GK5: variants seen among roughly 807,000 people sequenced by gnomAD.
GK5 encodes the protein ATP:glycerol 3-phosphotransferase 5.
Under a neutral mutation model 77.3 loss-of-function variants are expected in GK5, and 39 were observed. The ratio of observed to expected loss-of-function variants is 0.50; its 90% confidence interval spans 0.39 to 0.66. GK5 has a LOEUF of 0.66. GK5 is among the 30% of genes least tolerant of loss of function. GK5 has a pLI of 0.00. For synonymous variants in GK5, 211 were observed against 208.0 expected (o/e 1.01, Z -0.13); for missense variants, 487 against 633.8 (o/e 0.77, Z 2.49).
chr3:142,184,276 A>AG (rs2063737342), intron 9 of GK5, among the ~76,000 whole-genome samples: 1 of 149,102 alleles, frequency 6.7e-6, no homozygotes, highest in East Asian at 1.9e-4. Flanking sequence ...AAAAAAAAAA[A>AG]AAAAAAAAAA....
intron 11 of GK5, among the ~76,000 whole-genome samples, chr3:142,181,109 C>T (rs189551684): frequency 2.6e-4 from 40 of 152,254 alleles, no homozygotes; most frequent in Non-Finnish European, 5.7e-4. Flanking sequence ...TCGTAAAATA[C>T]CTGTACTTCG....
chr3:142,204,406 A>G, intron 4 of GK5: 1 of 404,398 alleles, frequency 2.5e-6, no homozygotes. Context: ...TGGGCATTTC[A>G]TTCATCTAGT....
chr3:142,223,981 GGAA>G (rs373443906), intron 1 of GK5, among the ~76,000 whole-genome samples: 231 of 152,346 alleles, frequency 1.5e-3, no homozygotes, highest in African/African-American at 5.5e-3. Flanking sequence ...TAAGGTGGTG[GGAA>G]GAAGAACGGG....
chr3:142,212,922 C>T (rs1337395478), intron 3 of GK5, among the ~76,000 whole-genome samples: 2 of 148,334 alleles, frequency 1.3e-5, no homozygotes, highest in Admixed American at 1.4e-4. Context: ...CAGGCTCCGC[C>T]CCCTGGGGTT....
At chr3:142,186,374 AAACT>A in intron 7 of GK5, 74 bp downstream of exon 7, 1 of 1,035,936 alleles carries the variant, frequency 9.7e-7, no homozygotes, top group South Asian at 1.6e-5. Flanking sequence ...AATTAAAAAT[AAACT>A]AATTTTAAAA....
chr3:142,160,360 A>G lies in GK5; in HGVS notation c.*5262T>C, dbSNP rs1220895592. 6.6e-6 allele frequency: 1 copy of G among 152,206 alleles called. No individual in the cohort carries two copies. The highest frequency in any genetic ancestry group is 1.5e-5 in the Non-Finnish European group (1 of 68,040). 9.4% of individuals were successfully genotyped at this position (152,206 alleles called of 1,614,324 possible). The stretch of plus-strand genomic sequence containing the variant: ...AGGGATTCAGAATCCTTTGGGGTAC[A>G]TTCAAGTCTTCTAGGCCATCTCTGG... On this transcript the variant is annotated 3_prime_UTR_variant, in exon 16 of 16. Transcript: ENST00000392993.
Position 142,197,818 on chromosome 3 carries a change from T to C in GK5, c.543+984A>G, listed in dbSNP as rs146766881. 6.4e-3 allele frequency among the ~76,000 whole-genome samples: 969 copies of C among 150,882 alleles called. 8 individuals carry two copies. The highest frequency in any genetic ancestry group is 0.022 in the African/African-American group (899 of 41,060). Reference sequence around the variant, plus strand: ...GGCAGGCAGATCACGAGGTCAGGAGTTCAAGACCAGCCTGGACAACATGGT... The same window carrying C: ...GGCAGGCAGATCACGAGGTCAGGAGCTCAAGACCAGCCTGGACAACATGGT... On this transcript the variant is annotated intron_variant, in intron 5 of 15. Coordinates refer to ENST00000392993, the MANE Select transcript of GK5 (RefSeq NM_001039547.3).
At chr3:142,207,679 G>T (rs557561388) in intron 3 of GK5, among the ~76,000 whole-genome samples, 1 of 152,178 alleles carries the variant, frequency 6.6e-6, no homozygotes, top group African/African-American at 2.4e-5. Context: ...ATAAATGCTG[G>T]TATATCCAGT....
intron 9 of GK5, among the ~76,000 whole-genome samples, chr3:142,184,217 C>T (rs2063735186): frequency 7.8e-6 from 1 of 127,520 alleles, no homozygotes; most frequent in African/African-American, 3.1e-5. Flanking sequence ...GCCGAGATCG[C>T]ACCACTGCAC....
intron 4 of GK5, among the ~76,000 whole-genome samples, chr3:142,201,027 T>C (rs181033907): frequency 4.5e-4 from 68 of 152,348 alleles, no homozygotes; most frequent in South Asian, 4.1e-4. Flanking sequence ...ATATAACTTA[T>C]ACATTGCTGA....
At chr3:142,188,247 A>G (rs2063800969) in intron 5 of GK5, among the ~76,000 whole-genome samples, 1 of 151,896 alleles carries the variant, frequency 6.6e-6, no homozygotes, top group South Asian at 2.1e-4. Context: ...AAATGCAAAA[A>G]ATGGCCAGGC....
chr3:142,175,339 T>C (rs889633682), intron 12 of GK5, among the ~76,000 whole-genome samples: 12 of 152,180 alleles, frequency 7.9e-5, no homozygotes, highest in African/African-American at 2.7e-4. Context: ...TGTCCTAGAC[T>C]TTCCCATTTT....
At chr3:142,188,731 A>C (rs2063809103) in intron 5 of GK5, among the ~76,000 whole-genome samples, 1 of 152,266 alleles carries the variant, frequency 6.6e-6, no homozygotes, top group Non-Finnish European at 1.5e-5. Context: ...GTAAAGTCTT[A>C]TTGGAACACA....
chr3:142,201,503 A>G (rs1023764615), intron 4 of GK5, among the ~76,000 whole-genome samples: 2 of 152,190 alleles, frequency 1.3e-5, no homozygotes, highest in African/African-American at 4.8e-5. Flanking sequence ...GGAGGTGTAT[A>G]GGAGAGTGGT....
chr3:142,186,636 T>TC, intron 6 of GK5, 123 bp from the exon 7 acceptor site: 1 of 459,746 alleles, frequency 2.2e-6, no homozygotes, highest in South Asian at 5.0e-5. Context: ...TTTTCTTTTT[T>TC]TTTTTTTTTT....
At position 142,225,536 on chromosome 3, in the gene GK5, G is replaced by C; in HGVS notation, c.-81C>G. The C allele has an allele frequency of 6.7e-7, 1 of 1,495,240 alleles. No individual in the cohort carries two copies. Among genetic ancestry groups the C allele is most frequent in the Non-Finnish European group, 8.9e-7 (1 of 1,121,800 alleles). The allele number at this position is 1,495,240 out of a possible 1,614,324, so 92.6% of individuals were successfully genotyped here. A position where few individuals can be genotyped will look rare whatever the true frequency, so the allele number is the denominator to read the frequency against. ...TCCCAATGCTCCAGAGTCCCCGGGCGGCCCAACCCGGGCCCCAACCCGGCT... is the reference window on the plus strand; with the variant it reads ...TCCCAATGCTCCAGAGTCCCCGGGCCGCCCAACCCGGGCCCCAACCCGGCT... On this transcript the variant is annotated 5_prime_UTR_variant, in exon 1 of 16. Transcript: ENST00000392993.
intron 1 of GK5, among the ~76,000 whole-genome samples, chr3:142,223,984 A>G (rs953102982): frequency 6.6e-6 from 1 of 151,790 alleles, no homozygotes; most frequent in Non-Finnish European, 1.5e-5. Flanking sequence ...GGTGGTGGGA[A>G]GAAGAACGGG....
chr3:142,209,073 C>T (rs1159718074), intron 3 of GK5, among the ~76,000 whole-genome samples: 2 of 151,724 alleles, frequency 1.3e-5, no homozygotes, highest in Non-Finnish European at 2.9e-5. Context: ...GGCGTGAACT[C>T]GGGAGGCAGA....
At chr3:142,185,405 C>G (rs1454386060) in intron 9 of GK5, 3 of 725,764 alleles carry the variant, frequency 4.1e-6, no homozygotes, top group African/African-American at 2.6e-5. Context: ...AGAGTGAGAC[C>G]CTGTCTCAAA....
Sources: gnomAD v4.1 joint callset for allele counts (sites outside exome capture counted in the v4.1 genomes callset) on GRCh38, gnomAD v4.1.1 for gene constraint, MANE v1.5 for transcripts, NCBI Gene and HGNC (gene_info 2026-07-23, HGNC 2026-07-21) for gene names.